The following COG3 variants were observed in gnomAD, a reference collection of about 807,000 sequenced individuals.
COG3 encodes component of oligomeric golgi complex 3.
A neutral mutation model predicts 114.1 loss-of-function variants in COG3; 32 were observed. The observed-to-expected ratio is 0.28, with a 90% CI of 0.21 to 0.38. The LOEUF (loss-of-function observed/expected upper bound fraction) is 0.38. Ranked by LOEUF, COG3 falls within the 10% of genes least tolerant of loss-of-function variation. The pLI, the probability that COG3 is intolerant of heterozygous loss-of-function variation, is 1.00. For synonymous variants in COG3, 352 were observed against 365.7 expected, an observed-to-expected ratio of 0.96 and a Z score of 0.43; for missense variants, 813 against 973.2, an observed-to-expected ratio of 0.84 and a Z score of 2.19.
chr13:45,519,126 AT>A (rs1318476619), intron 19 of COG3, 32 bp downstream of exon 19: 1 of 1,607,480 alleles, frequency 6.2e-7, no homozygotes, highest in African/African-American at 1.3e-5. Flanking sequence ...TGGTAAAGTC[AT>A]TTTGCATTCT....
At chr13:45,501,448 T>G (rs1869523513) in intron 13 of COG3, among the ~76,000 whole-genome samples, 1 of 152,228 alleles carries the variant, frequency 6.6e-6, no homozygotes, top group Non-Finnish European at 1.5e-5. Context: ...TGCTCCAGCT[T>G]TCACCACTGG....
intron 20 of COG3, among the ~76,000 whole-genome samples, chr13:45,525,873 G>A (rs2137920942): frequency 6.6e-6 from 1 of 151,640 alleles, no homozygotes; most frequent in South Asian, 2.1e-4. Flanking sequence ...GTCCAAGTTG[G>A]AGGGCAGCTT....
At chr13:45,502,390 C>T (rs1019259757) in intron 13 of COG3, among the ~76,000 whole-genome samples, 1 of 152,152 alleles carries the variant, frequency 6.6e-6, no homozygotes, top group African/African-American at 2.4e-5. Context: ...ATTACATGGC[C>T]TGTATCCTGG....
intron 1 of COG3, among the ~76,000 whole-genome samples, chr13:45,468,576 A>G (rs1041570336): frequency 6.6e-6 from 1 of 152,238 alleles, no homozygotes; most frequent in Non-Finnish European, 1.5e-5. Context: ...CAGATTGATT[A>G]TAAAAGTGGT....
At chr13:45,527,243 T>TA (rs1242378728) in intron 20 of COG3, among the ~76,000 whole-genome samples, 1 of 152,206 alleles carries the variant, frequency 6.6e-6, no homozygotes, top group Non-Finnish European at 1.5e-5. Context: ...ATTGTCATAG[T>TA]AAAGCAGGAG....
At chr13:45,504,271 G>T (rs1238041627) in intron 14 of COG3, among the ~76,000 whole-genome samples, 1 of 152,194 alleles carries the variant, frequency 6.6e-6, no homozygotes, top group Non-Finnish European at 1.5e-5. Context: ...GCTGGATATT[G>T]CCCATCTGAC....
At chr13:45,512,134 A>G (rs954945084) in intron 16 of COG3, 24 of 279,254 alleles carry the variant, frequency 8.6e-5, no homozygotes, top group African/African-American at 4.8e-4. Flanking sequence ...CCACTGGGGA[A>G]ATGATACTAT....
In COG3 at chr13:45,491,422, C is replaced by G; in HGVS notation, c.979C>G (p.Leu327Val). The G allele has an allele frequency of 6.2e-7, 1 of 1,607,222 alleles. No homozygotes were observed. Among genetic ancestry groups the G allele is most frequent in the Non-Finnish European group, 8.5e-7 (1 of 1,178,156 alleles). ...TTTGCTTTCTGTCAGATACCAACAA[C>G]TGCTAAATGATATCCACCAGTGTTA... ...RSEKIPEYQQ[L>V]LNDIHQCYLD... The change falls in exon 10 of 23, where the codon CTG becomes GTG. Residue 327 changes from leucine to valine, a missense_variant. By Grantham distance (32) the Leu-to-Val change is conservative (BLOSUM62 1). Coordinates refer to ENST00000349995, the MANE Select transcript of COG3 (RefSeq NM_031431.4).
chr13:45,483,444 T>C, intron 7 of COG3, 89 bp downstream of exon 7: 1 of 1,074,850 alleles, frequency 9.3e-7, no homozygotes. Context: ...AGATTAGTAC[T>C]TTGTAATTCC....
At chr13:45,502,500 T>G (rs536956702) in intron 13 of COG3, among the ~76,000 whole-genome samples, 5 of 152,146 alleles carry the variant, frequency 3.3e-5, no homozygotes, top group Admixed American at 1.3e-4. Flanking sequence ...GGTATAAGAG[T>G]GGTCTGGCTG....
intron 1 of COG3, among the ~76,000 whole-genome samples, chr13:45,470,044 T>C (rs953687978): frequency 5.9e-5 from 9 of 152,220 alleles, no homozygotes; most frequent in African/African-American, 2.2e-4. Flanking sequence ...TCTGTATTCT[T>C]GGGACTTTTA....
chr13:45,465,205 G>A lies in COG3; in HGVS notation c.169G>A (p.Ala57Thr). ...KAAAENLPVP[A>T]ELPIEDLCSL... Reference sequence around the variant, plus strand: ...GGCGGCAGAGAACTTGCCGGTGCCAGCTGAGGTGAGGTGATGGGCAGGAAC... The same window carrying A: ...GGCGGCAGAGAACTTGCCGGTGCCAACTGAGGTGAGGTGATGGGCAGGAAC... Residue 57 changes from alanine to threonine, a missense_variant, in exon 1 of 23, where the codon GCT (alanine) becomes ACT (threonine). Around this residue, in one of 2 missense-constraint regions of COG3, gnomAD observed 424 missense variants for 430.6 expected, o/e 0.98. Transcript: ENST00000349995. 1 of 1,613,432 alleles carries A rather than the reference G, an allele frequency of 6.2e-7. No individual in the cohort carries two copies. The highest frequency in any genetic ancestry group is 8.5e-7 in the Non-Finnish European group (1 of 1,179,798).
At chr13:45,518,902 A>G (rs1320023778) in intron 18 of COG3, 52 bp downstream of exon 18, 9 of 1,611,724 alleles carry the variant, frequency 5.6e-6, no homozygotes, top group Admixed American at 1.7e-5. Context: ...CATTCTTTAC[A>G]TGTCTGGTGA....
rs749518203 is a variant in COG3 at position 45,482,471 on chromosome 13, C to T, written c.715C>T (p.His239Tyr). ...TGATTGTATAACATATATCTCATCT[C>T]ATGTAAGTCAGAGTATTTTTGCATG... is the stretch of plus-strand genomic sequence containing the variant. ...LDDCITYISSHPNFKDYPIYL... is the reference protein window; with the variant it reads ...LDDCITYISSYPNFKDYPIYL... Residue 239 changes from histidine (H) to tyrosine (Y), a missense_variant and splice_region_variant, in exon 6 of 23, where the codon CAT becomes TAT. His to Tyr is a moderately conservative substitution (Grantham distance 83, BLOSUM62 2). Around this residue, in one of 2 missense-constraint regions of COG3, gnomAD observed 424 missense variants for 430.6 expected, o/e 0.98. Transcript: ENST00000349995. 5.8e-6 allele frequency: 8 copies of T among 1,387,784 alleles called. No individual in the cohort carries two copies. The highest frequency in any genetic ancestry group is 6.0e-6 in the Non-Finnish European group (6 of 993,842). The allele number at this position is 1,387,784 out of a possible 1,614,324, so 86.0% of individuals were successfully genotyped here. A position where few individuals can be genotyped will look rare whatever the true frequency, so the allele number is the denominator to read the frequency against.
At chr13:45,525,688 CTT>C (rs1872612876) in intron 20 of COG3, among the ~76,000 whole-genome samples, 1 of 109,464 alleles carries the variant, frequency 9.1e-6, no homozygotes, top group South Asian at 3.4e-4. Context: ...TCATGACTAA[CTT>C]TGTGAGTTAT....
Position 45,492,221 on chromosome 13 carries a change from A to G in COG3, c.1158A>G (p.Glu386=). ...VCQDEHQLYN[E]FFTKPTSKLD... ...AGGATGAACACCAACTTTACAATGA[A>G]TTTTTCACAAAACCAACATCAAAAT... The change falls in exon 11 of 23, where the codon GAA becomes GAG. Residue 386 remains glutamate, a synonymous_variant. Transcript: ENST00000349995. 2.5e-6 allele frequency: 4 copies of G among 1,608,346 alleles called. No homozygotes were observed. Among genetic ancestry groups the G allele is most frequent in the Non-Finnish European group, 3.4e-6 (4 of 1,177,436 alleles).
chr13:45,480,385 T>C (rs1017764145), intron 4 of COG3, 95 bp downstream of exon 4: 12 of 879,380 alleles, frequency 1.4e-5, no homozygotes, highest in Non-Finnish European at 1.7e-5. Flanking sequence ...TTCTCCAAGA[T>C]GTTCAACTCT....
At chr13:45,472,336 C>T (rs941687690) in intron 1 of COG3, among the ~76,000 whole-genome samples, 1 of 152,064 alleles carries the variant, frequency 6.6e-6, no homozygotes, top group Non-Finnish European at 1.5e-5. Flanking sequence ...TTGGGATTCT[C>T]TGAATTTCTT....
chr13:45,486,515 T>G lies in COG3; in HGVS notation c.864T>G (p.Asn288Lys). Residue 288 changes from asparagine (N) to lysine (K), a missense_variant, in exon 8 of 23, where the codon AAT (asparagine) becomes AAG (lysine). By Grantham distance (94) the Asn-to-Lys change is moderately conservative (BLOSUM62 0). Coordinates refer to ENST00000349995, the MANE Select transcript of COG3 (RefSeq NM_031431.4). ...TTTAGGATCCTTCATCTGTACCTAA[T>G]GCAGACAATGCCTTCACATTATTTT... ...LLKRDPSSVP[N>K]ADNAFTLFYV... The G allele has an allele frequency of 6.2e-7, 1 of 1,608,892 alleles. No homozygotes were observed. The highest frequency in any genetic ancestry group is 1.1e-5 in the South Asian group (1 of 90,968).
Sources: allele counts gnomAD v4.1 joint callset (sites outside exome capture counted in the v4.1 genomes callset), GRCh38; gene constraint gnomAD v4.1.1; regional missense constraint gnomAD v4.1.1; transcripts MANE v1.5; gene names NCBI Gene and HGNC (gene_info 2026-07-23, HGNC 2026-07-21).